GPHN: variants seen among roughly 807,000 people sequenced by gnomAD.
GPHN encodes the protein gephyrin.
GPHN carries 17 observed loss-of-function variants against 95.5 expected under a neutral mutation model. The ratio of observed to expected loss-of-function variants is 0.18; its 90% CI spans 0.12 to 0.27. The LOEUF (loss-of-function observed/expected upper bound fraction) is 0.27. Among genes scored for constraint, GPHN ranks in the 10% least tolerant of loss-of-function variants. The pLI is 1.00. For synonymous variants in GPHN, 320 were observed against 322.5 expected, an observed-to-expected ratio of 0.99 and a Z score of 0.08; for missense variants, 660 against 978.1, an observed-to-expected ratio of 0.67 and a Z score of 4.34.
intron 12 of GPHN, among the ~76,000 whole-genome samples, chr14:67,098,525 A>G (rs1384180288): frequency 6.6e-6 from 1 of 152,070 alleles, no homozygotes; most frequent in East Asian, 1.9e-4. Flanking sequence ...AAAAAAGAAA[A>G]TGGGTCAGGC....
chr14:66,564,087 A>G lies in GPHN; in HGVS notation c.64+55496A>G, dbSNP rs534898735. Among the ~76,000 whole-genome samples the G allele has an allele frequency of 2.6e-5, 4 of 152,228 alleles. No homozygotes were observed. The East Asian group carries it at 7.7e-4, about 29-fold the overall frequency. On this transcript the variant is annotated intron_variant, in intron 1 of 22. Coordinates refer to ENST00000478722, the MANE Select transcript of GPHN (RefSeq NM_020806.5). Reference sequence around the variant, plus strand: ...CCATTCATCTTCATACATCTGGGGAATTGATAGCTATCTCTATGTAAATGT... The same window carrying G: ...CCATTCATCTTCATACATCTGGGGAGTTGATAGCTATCTCTATGTAAATGT...
At chr14:66,907,983 A>G (rs1196506903) in intron 5 of GPHN, among the ~76,000 whole-genome samples, 1 of 152,098 alleles carries the variant, frequency 6.6e-6, no homozygotes, top group Admixed American at 6.6e-5. Flanking sequence ...TCTAGCTTTA[A>G]CATAGATACA....
chr14:67,319,703 C>G, the GPHN span, among the ~76,000 whole-genome samples: 1 of 152,002 alleles, frequency 6.6e-6, no homozygotes. Flanking sequence ...CCGTCCTGGG[C>G]TGCATGCAGC....
At chr14:66,900,539 C>A (rs377448506) in intron 5 of GPHN, among the ~76,000 whole-genome samples, 1 of 151,652 alleles carries the variant, frequency 6.6e-6, no homozygotes, top group East Asian at 1.9e-4. Flanking sequence ...ATCTTTCCCT[C>A]CTCCCCACTA....
chr14:67,381,941 C>G, the GPHN span, among the ~76,000 whole-genome samples: 1 of 152,014 alleles, frequency 6.6e-6, no homozygotes, highest in South Asian at 2.1e-4. Context: ...GATGCCAAAC[C>G]TCCTTTACAA....
At chr14:67,638,410 C>T in the GPHN span, among the ~76,000 whole-genome samples, 1 of 151,936 alleles carries the variant, frequency 6.6e-6, no homozygotes, top group African/African-American at 2.4e-5. Flanking sequence ...TGAAAGGATA[C>T]AGTAGTAAAA....
At chr14:67,279,033 A>C in the GPHN span, 5 of 749,170 alleles carry the variant, frequency 6.7e-6, no homozygotes, top group African/African-American at 9.0e-5. Flanking sequence ...CTTCATGGAT[A>C]CTTTTTCATA....
At chr14:67,581,982 TGGAAATAAAGG>T in the GPHN span, 3 of 1,320,340 alleles carry the variant, frequency 2.3e-6, no homozygotes, top group African/African-American at 3.0e-5. Flanking sequence ...TTTATCTTTT[TGGAAATAAAGG>T]TAACAGACCC....
intron 1 of GPHN, among the ~76,000 whole-genome samples, chr14:66,538,336 T>A (rs1176192452): frequency 3.3e-5 from 5 of 152,038 alleles, no homozygotes; most frequent in African/African-American, 7.2e-5. Flanking sequence ...GTTTTTTTTT[T>A]ATCAGCCTTG....
chr14:67,386,522 T>G, the GPHN span: 1 of 152,252 alleles, frequency 6.6e-6, no homozygotes, highest in Non-Finnish European at 1.5e-5. Context: ...AAGTATTGTA[T>G]GATACAGACT....
the GPHN span, among the ~76,000 whole-genome samples, chr14:67,427,080 A>G: frequency 1.4e-5 from 2 of 146,850 alleles, no homozygotes; most frequent in African/African-American, 5.1e-5. Context: ...CGCGCGGGGG[A>G]GGGAGGGATT....
chr14:66,926,556 C>A (rs1049607513), intron 8 of GPHN, among the ~76,000 whole-genome samples: 6 of 152,102 alleles, frequency 3.9e-5, no homozygotes, highest in African/African-American at 1.4e-4. Flanking sequence ...AATGAGCTTA[C>A]TGTACTTATA....
At chr14:67,220,534 T>A in the GPHN span, among the ~76,000 whole-genome samples, 1 of 152,206 alleles carries the variant, frequency 6.6e-6, no homozygotes, top group African/African-American at 2.4e-5. Flanking sequence ...ATCTTAAATC[T>A]AGATGAGTGA....
the GPHN span, among the ~76,000 whole-genome samples, chr14:67,256,501 A>G: frequency 6.6e-6 from 1 of 152,222 alleles, no homozygotes; most frequent in East Asian, 1.9e-4. Context: ...TACCATTTCA[A>G]CTTGTAGTAA....
At chr14:67,663,498 C>T in the GPHN span, among the ~76,000 whole-genome samples, 1 of 151,776 alleles carries the variant, frequency 6.6e-6, no homozygotes, top group Admixed American at 6.6e-5. Context: ...ACGGTGAAAC[C>T]CCATCTCTAC....
At chr14:67,243,531 C>T in the GPHN span, among the ~76,000 whole-genome samples, 227 of 114,882 alleles carry the variant, frequency 2.0e-3, 3 homozygotes, top group African/African-American at 7.6e-3. Context: ...CTCGCGCTGT[C>T]GCCCAGGCTG....
At chr14:67,512,561 C>T in the GPHN span, among the ~76,000 whole-genome samples, 110 of 152,262 alleles carry the variant, frequency 7.2e-4, no homozygotes, top group African/African-American at 2.6e-3. Flanking sequence ...TAAAAGCATA[C>T]AAACTTGAAA....
At chr14:67,621,091 C>A in the GPHN span, 7 of 847,496 alleles carry the variant, frequency 8.3e-6, no homozygotes, top group Non-Finnish European at 1.3e-5. Context: ...CCCGCATCCT[C>A]CTTTGGATTC....
intron 1 of GPHN, among the ~76,000 whole-genome samples, chr14:66,657,987 A>T (rs1192330226): frequency 3.9e-5 from 6 of 152,210 alleles, no homozygotes; most frequent in Admixed American, 3.3e-4. Context: ...TGGGCAAAGT[A>T]ATTTGAAAAC....
Sources: gnomAD v4.1 joint callset for allele counts (sites outside exome capture counted in the v4.1 genomes callset) on GRCh38, gnomAD v4.1.1 for gene constraint, MANE v1.5 for transcripts, NCBI Gene and HGNC (gene_info 2026-07-23, HGNC 2026-07-21) for gene names.